The following SLC35F4 variants were observed in gnomAD, a reference collection of about 807,000 sequenced individuals.
The protein encoded by SLC35F4 is chromosome 14 open reading frame 36.
A neutral mutation model predicts 44.2 loss-of-function variants in SLC35F4; 24 were observed. The observed-to-expected ratio is 0.54, with a 90% confidence interval of 0.39 to 0.76. SLC35F4 has a LOEUF of 0.76. Ranked by LOEUF, SLC35F4 falls within the 30% of genes least tolerant of loss-of-function variation. SLC35F4 has a pLI of 0.00. For missense variants in SLC35F4, 562 were observed against 586.1 expected, an observed-to-expected ratio of 0.96 and a Z score of 0.42; for synonymous variants, 238 against 223.6, an observed-to-expected ratio of 1.06 and a Z score of -0.57.
At chr14:57,564,470 A>T (rs879243523) in intron 7 of SLC35F4, 94 bp from the exon 8 acceptor site, 1 of 1,472,058 alleles carries the variant, frequency 6.8e-7, no homozygotes, top group South Asian at 1.4e-5. Context: ...AGAGATTTCC[A>T]AGAGTCTTCT....
At chr14:57,621,740 T>G (rs1275313969) in intron 1 of SLC35F4, among the ~76,000 whole-genome samples, 1 of 151,590 alleles carries the variant, frequency 6.6e-6, no homozygotes, top group Non-Finnish European at 1.5e-5. Context: ...GCATTACCAT[T>G]CAGGACACAG....
chr14:57,908,590 G>A (rs1293225793), intron 1 of SLC35F4, among the ~76,000 whole-genome samples: 2 of 152,028 alleles, frequency 1.3e-5, no homozygotes, highest in Admixed American at 6.6e-5. Flanking sequence ...GTCTTCTTTT[G>A]GTAAGTGCCT....
intron 2 of SLC35F4, 96 bp downstream of exon 2, chr14:57,593,843 C>T (rs1272542508): frequency 1.0e-5 from 14 of 1,344,940 alleles, no homozygotes; most frequent in Admixed American, 8.5e-5. Flanking sequence ...CATAAGAGTC[C>T]GTGTAACATC....
At chr14:57,662,620 T>C (rs771157935) in intron 1 of SLC35F4, among the ~76,000 whole-genome samples, 1 of 152,160 alleles carries the variant, frequency 6.6e-6, no homozygotes, top group Non-Finnish European at 1.5e-5. Context: ...AGCTGCCAGA[T>C]CTTTAACTTC....
intron 1 of SLC35F4, among the ~76,000 whole-genome samples, chr14:57,704,626 G>C (rs1233160249): frequency 6.6e-6 from 1 of 152,052 alleles, no homozygotes; most frequent in Non-Finnish European, 1.5e-5. Context: ...AGGAAGAGTG[G>C]ATTAAGGAGA....
chr14:57,763,863 T>A (rs572845103), intron 1 of SLC35F4, among the ~76,000 whole-genome samples: 1 of 152,256 alleles, frequency 6.6e-6, no homozygotes, highest in Non-Finnish European at 1.5e-5. Flanking sequence ...CCAAGAAGTG[T>A]TATCTAATTA....
chr14:57,586,446 G>A (rs2139860821), intron 3 of SLC35F4, among the ~76,000 whole-genome samples: 1 of 152,050 alleles, frequency 6.6e-6, no homozygotes, highest in South Asian at 2.1e-4. Flanking sequence ...GGCCAGGCGT[G>A]GTGGCTTACA....
chr14:57,621,638 CT>C (rs1259172260), intron 1 of SLC35F4, among the ~76,000 whole-genome samples: 1 of 152,224 alleles, frequency 6.6e-6, no homozygotes, highest in African/African-American at 2.4e-5. Context: ...AACTGGATCC[CT>C]TCCTTATACC....
At chr14:57,897,122 T>C (rs1191309293) in intron 1 of SLC35F4, among the ~76,000 whole-genome samples, 4 of 152,186 alleles carry the variant, frequency 2.6e-5, no homozygotes, top group African/African-American at 4.8e-5. Flanking sequence ...TTTTTCTTGA[T>C]AAACTTCACC....
intron 1 of SLC35F4, among the ~76,000 whole-genome samples, chr14:57,648,778 G>T (rs10483687): frequency 0.13 from 20,232 of 152,214 alleles, 1,597 homozygotes; most frequent in East Asian, 0.22. Context: ...TGCATGATCT[G>T]ATCTTTGTAG....
chr14:57,757,888 G>C (rs2077031297), intron 1 of SLC35F4, among the ~76,000 whole-genome samples: 1 of 151,832 alleles, frequency 6.6e-6, no homozygotes, highest in Admixed American at 6.6e-5. Context: ...TCTTCTGTTA[G>C]AGTCCCCTGT....
chr14:57,631,328 A>G (rs2072760336), intron 1 of SLC35F4, among the ~76,000 whole-genome samples: 1 of 152,140 alleles, frequency 6.6e-6, no homozygotes, highest in Non-Finnish European at 1.5e-5. Context: ...AGATTTGGAA[A>G]ATAGAAAACA....
intron 1 of SLC35F4, among the ~76,000 whole-genome samples, chr14:57,956,809 G>A (rs1890246611): frequency 6.6e-6 from 1 of 152,256 alleles, no homozygotes; most frequent in African/African-American, 2.4e-5. Context: ...TGGAGAGGAT[G>A]TGGAGAAATA....
intron 1 of SLC35F4, among the ~76,000 whole-genome samples, chr14:57,661,100 G>C (rs141346442): frequency 6.6e-6 from 1 of 152,122 alleles, no homozygotes; most frequent in East Asian, 1.9e-4. Flanking sequence ...CATGCGAATC[G>C]AGTTACGAAT....
At chr14:57,667,401 G>A (rs369264769) in intron 1 of SLC35F4, among the ~76,000 whole-genome samples, 2 of 134,632 alleles carry the variant, frequency 1.5e-5, no homozygotes, top group African/African-American at 5.8e-5. Flanking sequence ...GGTTACATAT[G>A]TATACATGTG....
chr14:57,829,559 C>T (rs1361010762), intron 1 of SLC35F4, among the ~76,000 whole-genome samples: 2 of 152,286 alleles, frequency 1.3e-5, no homozygotes, highest in East Asian at 1.9e-4. Flanking sequence ...AAGATGGTGT[C>T]ACTCTGGAAC....
chr14:57,772,347 C>T (rs1261016605), intron 1 of SLC35F4, among the ~76,000 whole-genome samples: 1 of 151,336 alleles, frequency 6.6e-6, no homozygotes, highest in African/African-American at 2.4e-5. Flanking sequence ...TGCTAAATAG[C>T]CTTCACTGTT....
intron 1 of SLC35F4, among the ~76,000 whole-genome samples, chr14:57,645,620 C>T (rs1057094207): frequency 3.7e-4 from 56 of 151,310 alleles, no homozygotes; most frequent in African/African-American, 1.3e-3. Context: ...TTATTTCCTT[C>T]TCCTGCCTGA....
chr14:57,615,356 CTT>C (rs766207881), intron 1 of SLC35F4, among the ~76,000 whole-genome samples: 4 of 20,942 alleles, frequency 1.9e-4, no homozygotes, highest in Non-Finnish European at 3.5e-4. Context: ...AAACATTTTC[CTT>C]TTTTTTTTTT....
Sources: gnomAD v4.1 joint callset for allele counts (sites outside exome capture counted in the v4.1 genomes callset) on GRCh38, gnomAD v4.1.1 for gene constraint, MANE v1.5 for transcripts, NCBI Gene and HGNC (gene_info 2026-07-23, HGNC 2026-07-21) for gene names.